The following WASF3 variants were observed in gnomAD, a reference collection of about 807,000 sequenced individuals.
WASF3 encodes the protein WASP family member 3, also known as actin-binding protein WASF3.
A neutral mutation model predicts 46.6 loss-of-function variants in WASF3; 11 were observed. That is an observed-to-expected ratio of 0.24 (90% confidence interval 0.15 to 0.39). The LOEUF (loss-of-function observed/expected upper bound fraction) is 0.39. Among genes scored for constraint, WASF3 ranks in the 10% least tolerant of loss-of-function variants. WASF3 has a pLI of 1.00. For synonymous variants in WASF3, 242 were observed against 259.7 expected (o/e 0.93, Z 0.65); for missense variants, 576 against 669.8 (o/e 0.86, Z 1.55).
chr13:26,563,804 TA>T (rs530714375), intron 1 of WASF3, among the ~76,000 whole-genome samples: 20 of 151,418 alleles, frequency 1.3e-4, no homozygotes, highest in Non-Finnish European at 2.2e-4. Flanking sequence ...TTTTTTTTTT[TA>T]AATTTTAAAA....
At chr13:26,677,230 G>A (rs965743093) in intron 7 of WASF3, among the ~76,000 whole-genome samples, 2 of 152,146 alleles carry the variant, frequency 1.3e-5, no homozygotes, top group Admixed American at 1.3e-4. Context: ...CTGATTTCAG[G>A]AGAAGAATTC....
rs753869140 is a variant in WASF3, at chr13:26,685,734, G to C, written c.1398G>C (p.Lys466Asn). 1.2e-6 allele frequency: 2 copies of C among 1,614,236 alleles called. No individual in the cohort carries two copies. The highest frequency in any genetic ancestry group is 1.7e-6 in the Non-Finnish European group (2 of 1,180,046). Residue 466 changes from lysine (K) to asparagine (N), a missense_variant, in exon 10 of 10, where the codon AAG (lysine) becomes AAC (asparagine). By Grantham distance (94) the Lys-to-Asn change is moderately conservative. Around this residue, in one of 3 missense-constraint regions of WASF3, gnomAD observed 68 missense variants for 100.3 expected, o/e 0.68. Coordinates refer to ENST00000335327, the MANE Select transcript of WASF3 (RefSeq NM_006646.6). The stretch of plus-strand genomic sequence containing the variant: ...AGGAGCAGCGGGAGCAGGAGGCCAA[G>C]CGGGAGCCAGTGGGGAATGACGTGG... The part of the protein sequence containing the change: ...KVQEQREQEA[K>N]REPVGNDVAT...
chr13:26,619,266 G>A (rs1160481578), intron 2 of WASF3, among the ~76,000 whole-genome samples: 2 of 152,200 alleles, frequency 1.3e-5, no homozygotes, highest in African/African-American at 4.8e-5. Context: ...TAAATGGAAA[G>A]TAGATTACAT....
At chr13:26,646,170 G>A (rs1468617671) in intron 3 of WASF3, among the ~76,000 whole-genome samples, 1 of 152,202 alleles carries the variant, frequency 6.6e-6, no homozygotes, top group Non-Finnish European at 1.5e-5. Flanking sequence ...TCAATGTTTT[G>A]CATGAATCTT....
chr13:26,600,067 A>C (rs1213158051), intron 1 of WASF3, among the ~76,000 whole-genome samples: 1 of 152,230 alleles, frequency 6.6e-6, no homozygotes, highest in East Asian at 1.9e-4. Context: ...TAAATGATGC[A>C]GAAGTACAAA....
In WASF3 at chr13:26,682,594, A is replaced by T. The variant is rs754797266; in HGVS notation, c.984-13A>T. On this transcript the variant is annotated splice_polypyrimidine_tract_variant and intron_variant, in intron 8 of 9. Coordinates refer to ENST00000335327, the MANE Select transcript of WASF3 (RefSeq NM_006646.6). The surrounding 1 kb of genome is among the most constrained non-coding windows in gnomAD (Gnocchi z 4.4). Reference sequence around the variant, plus strand: ...TGTTCCCTTGGTGACTATGTGCCTCATATCTCTCTCAGGATGCTCCCAGCG... The same window carrying T: ...TGTTCCCTTGGTGACTATGTGCCTCTTATCTCTCTCAGGATGCTCCCAGCG... The T allele has an allele frequency of 1.1e-5, 18 of 1,613,898 alleles. 1 individual carries two copies. The East Asian group carries it at 1.6e-4, about 14-fold the overall frequency.
At chr13:26,554,074 T>C (rs1443458272), upstream of WASF3, among the ~76,000 whole-genome samples, 397 of 105,110 alleles carry the variant, frequency 3.8e-3, 10 homozygotes, top group African/African-American at 0.015. Context: ...CTTCCTTCCT[T>C]CCTTCCTTCC....
chr13:26,666,351 T>C (rs960268782), intron 4 of WASF3, among the ~76,000 whole-genome samples: 1 of 152,228 alleles, frequency 6.6e-6, no homozygotes, highest in African/African-American at 2.4e-5. Flanking sequence ...ATTGGTAAAT[T>C]AAATTTTATG....
intron 3 of WASF3, among the ~76,000 whole-genome samples, chr13:26,658,421 G>C (rs906862228): frequency 1.3e-5 from 2 of 152,180 alleles, no homozygotes; most frequent in Non-Finnish European, 2.9e-5. Context: ...CTATAAAACA[G>C]TAGTTCTGAA....
chr13:26,544,465 G>A, the WASF3 span, among the ~76,000 whole-genome samples: 4 of 152,190 alleles, frequency 2.6e-5, no homozygotes, highest in Non-Finnish European at 5.9e-5. Flanking sequence ...GGTCAGTGCT[G>A]CTGCTCAGAG....
intron 3 of WASF3, among the ~76,000 whole-genome samples, chr13:26,649,398 A>G (rs1882245298): frequency 6.6e-6 from 1 of 152,240 alleles, no homozygotes; most frequent in African/African-American, 2.4e-5. Context: ...AGTAGTTATG[A>G]AAAATTTATT....
At chr13:26,624,401 G>GA (rs1191311402) in intron 2 of WASF3, among the ~76,000 whole-genome samples, 1 of 152,094 alleles carries the variant, frequency 6.6e-6, no homozygotes, top group African/African-American at 2.4e-5. Flanking sequence ...AAGAAACAAG[G>GA]AAAGAGGAAA....
chr13:26,615,373 A>G (rs1362577254), intron 2 of WASF3, among the ~76,000 whole-genome samples: 2 of 152,232 alleles, frequency 1.3e-5, no homozygotes, highest in East Asian at 3.9e-4. Flanking sequence ...CAGTGGTATA[A>G]TCTCGGCTCA....
intron 6 of WASF3, among the ~76,000 whole-genome samples, chr13:26,675,645 C>CGTGTGTGTGTGTGTGT (rs1288347326): frequency 1.4e-5 from 1 of 73,006 alleles, no homozygotes; most frequent in African/African-American, 6.7e-5. Flanking sequence ...GCACAGATGC[C>CGTGTGTGTGTGTGTGT]ATGTCTGTGT....
upstream of WASF3, among the ~76,000 whole-genome samples, chr13:26,554,400 G>A (rs1879054987): frequency 6.6e-6 from 1 of 151,890 alleles, no homozygotes; most frequent in African/African-American, 2.4e-5. Context: ...GAAAGTGCTG[G>A]GATTACAGGT....
chr13:26,642,096 T>C (rs982202236), intron 2 of WASF3, 165 bp from the exon 3 acceptor site: 1 of 605,026 alleles, frequency 1.7e-6, no homozygotes, highest in Admixed American at 3.7e-5. Context: ...TCTATAAAAC[T>C]CACTAAAGTA....
chr13:26,667,540 A>C lies in WASF3; in HGVS notation c.292A>C (p.Lys98Gln). 1 of 1,614,030 alleles carries C rather than the reference A, an allele frequency of 6.2e-7. No homozygotes were observed. Among genetic ancestry groups the C allele is most frequent in the Non-Finnish European group, 8.5e-7 (1 of 1,179,952 alleles). Residue 98 changes from lysine (K) to glutamine (Q), a missense_variant, in exon 5 of 10, where the codon AAA (lysine) becomes CAA (glutamine). This residue lies in a region of WASF3 where 213 missense variants were observed against 278.0 expected (regional missense o/e 0.77). Coordinates refer to ENST00000335327, the MANE Select transcript of WASF3 (RefSeq NM_006646.6). ...AGTCTCACTACAGGATATCAACATGAAAAAAGCTTTCAAAAGTTCCACAGT... is the reference window on the plus strand; with the variant it reads ...AGTCTCACTACAGGATATCAACATGCAAAAAGCTTTCAAAAGTTCCACAGT... ...EEVSLQDINM[K>Q]KAFKSSTVQD...
chr13:26,685,996 T>A lies in WASF3; in HGVS notation c.*151T>A, dbSNP rs770954049. On this transcript the variant is annotated 3_prime_UTR_variant, in exon 10 of 10. Transcript: ENST00000335327. ...CTGCACATCCAAAAATTCTGGGTCT[T>A]TTCAGTATTTACTGTGTAATACTTA... The A allele has an allele frequency of 3.7e-6, 4 of 1,071,454 alleles. No homozygotes were observed. Among genetic ancestry groups the A allele is most frequent in the Non-Finnish European group, 2.6e-6 (2 of 770,016 alleles). 66.4% of individuals were successfully genotyped at this position (1,071,454 alleles called of 1,614,324 possible).
At chr13:26,601,259 A>G (rs1880633792) in intron 1 of WASF3, among the ~76,000 whole-genome samples, 1 of 152,188 alleles carries the variant, frequency 6.6e-6, no homozygotes, top group South Asian at 2.1e-4. Flanking sequence ...TGAGGGGAGA[A>G]GATAATACTG....
Sources: gnomAD v4.1 joint callset for allele counts (sites outside exome capture counted in the v4.1 genomes callset) on GRCh38, gnomAD v4.1.1 for gene constraint, gnomAD v4.1.1 regional missense constraint, Gnocchi (gnomAD v3.1) non-coding constraint, MANE v1.5 for transcripts, NCBI Gene and HGNC (gene_info 2026-07-23, HGNC 2026-07-21) for gene names.